Variants in NUP205 observed in about 807,000 individuals in gnomAD.
The protein encoded by NUP205 is nuclear pore complex protein Nup205.
Under a neutral mutation model 253.8 loss-of-function variants are expected in NUP205, and 76 were observed. The ratio of observed to expected loss-of-function variants is 0.30; its 90% confidence interval spans 0.25 to 0.36. The LOEUF (loss-of-function observed/expected upper bound fraction) is 0.36, where lower values mean the gene tolerates loss of function less well. Among genes scored for constraint, NUP205 ranks in the 10% least tolerant of loss-of-function variants. The probability of loss-of-function intolerance (pLI) is 1.00; values close to 1 mark genes in which losing one functional copy is unlikely to be tolerated. For synonymous variants in NUP205, 832 were observed against 850.1 expected, an observed-to-expected ratio of 0.98 and a Z score of 0.37; for missense variants, 2,162 against 2,425.5, an observed-to-expected ratio of 0.89 and a Z score of 2.28.
Position 135,557,949 on chromosome 7 carries a change from C to A in NUP205, c.5C>A (p.Ala2Glu). Residue 2 changes from alanine to glutamate, a missense_variant, in exon 1 of 43, where the codon GCG (alanine) becomes GAG (glutamate). Around this residue, in one of 5 missense-constraint regions of NUP205, gnomAD observed 109 missense variants for 131.8 expected, o/e 0.83. Transcript: ENST00000285968. Reference protein sequence around the residue: MATPLAVNSAAS... With the variant: METPLAVNSAAS... ...CTCTGTTAGTGCGCCTCTAAGATGG[C>A]GACGCCTTTGGCGGTAAATTCGGGT... The A allele has an allele frequency of 6.2e-7, 1 of 1,613,610 alleles. No homozygotes were observed. Among genetic ancestry groups the A allele is most frequent in the Non-Finnish European group, 8.5e-7 (1 of 1,179,494 alleles).
At chr7:135,593,281 T>A in intron 12 of NUP205, 89 bp downstream of exon 12, 1 of 1,203,666 alleles carries the variant, frequency 8.3e-7, no homozygotes, top group Non-Finnish European at 1.2e-6. Flanking sequence ...AATTTAAGAG[T>A]AATAAACTTA....
chr7:135,594,161 T>C (rs1197419601), intron 12 of NUP205, among the ~76,000 whole-genome samples: 1 of 152,228 alleles, frequency 6.6e-6, no homozygotes, highest in Non-Finnish European at 1.5e-5. Context: ...CTCTATATTT[T>C]TTTTTGAGAA....
intron 16 of NUP205, 119 bp downstream of exon 16, chr7:135,601,088 A>G (rs1793956505): frequency 6.5e-6 from 4 of 616,344 alleles, no homozygotes; most frequent in Admixed American, 3.4e-5. Flanking sequence ...CTTTTGTTTC[A>G]TTGTTTTAAT....
chr7:135,646,351 C>T (rs1292343463), intron 42 of NUP205, 120 bp downstream of exon 42: 4 of 743,424 alleles, frequency 5.4e-6, no homozygotes, highest in Non-Finnish European at 6.8e-6. Context: ...TTGCTTGAGC[C>T]CAGGAGTTTG....
At chr7:135,640,009 G>C (rs1265310976) in intron 38 of NUP205, among the ~76,000 whole-genome samples, 1 of 152,188 alleles carries the variant, frequency 6.6e-6, no homozygotes, top group African/African-American at 2.4e-5. Flanking sequence ...GTTGAACAAT[G>C]AGAACACATG....
chr7:135,561,805 T>C (rs961235105), intron 1 of NUP205, among the ~76,000 whole-genome samples: 1 of 152,220 alleles, frequency 6.6e-6, no homozygotes, highest in Non-Finnish European at 1.5e-5. Flanking sequence ...TCTCCACTGA[T>C]GATCTCATGC....
In NUP205 at chr7:135,635,116, C is replaced by T. The variant is rs191466303; in HGVS notation, c.5060-465C>T. ...TCATTTCGATTTAGGAATTTTGTAA[C>T]GGGTCCAAACTAAGAAGTTGAATGG... On this transcript the variant is annotated intron_variant, in intron 35 of 42. Transcript: ENST00000285968. Among the ~76,000 whole-genome samples the T allele has an allele frequency of 1.2e-4, 18 of 152,142 alleles. No homozygotes were observed. The East Asian group carries it at 1.7e-3, about 15-fold the overall frequency.
In NUP205 at chr7:135,625,186, A is replaced by T; in HGVS notation, c.4502A>T (p.Asp1501Val). 6.2e-7 allele frequency: 1 copy of T among 1,613,302 alleles called. No individual in the cohort carries two copies. Among genetic ancestry groups the T allele is most frequent in the South Asian group, 1.1e-5 (1 of 90,874 alleles). ...CAGATGCTGGCCCTGGCTCTACTTG[A>T]TAGAATTGTCTCCGTGGATAAACAG... ...IGRMLALALL[D>V]RIVSVDKQQQ... Residue 1501 changes from aspartate to valine, a missense_variant, in exon 32 of 43, where the codon GAT becomes GTT. Coordinates refer to ENST00000285968, the MANE Select transcript of NUP205 (RefSeq NM_015135.3).
chr7:135,634,956 G>A (rs1381771591), intron 35 of NUP205, among the ~76,000 whole-genome samples: 1 of 152,154 alleles, frequency 6.6e-6, no homozygotes, highest in Non-Finnish European at 1.5e-5. Context: ...GAGTGGCTAG[G>A]ATAGGTTTAG....
intron 10 of NUP205, among the ~76,000 whole-genome samples, chr7:135,590,942 G>C (rs182810793): frequency 2.0e-5 from 3 of 152,240 alleles, no homozygotes; most frequent in Non-Finnish European, 4.4e-5. Context: ...GTTGATAATA[G>C]GTTTAAGGCA....
intron 8 of NUP205, among the ~76,000 whole-genome samples, chr7:135,587,346 C>A (rs773925471): frequency 1.3e-4 from 20 of 152,000 alleles, no homozygotes; most frequent in Non-Finnish European, 2.1e-4. Flanking sequence ...CAGTTAAGTT[C>A]AACTTTTCTA....
At chr7:135,567,425 C>CAAAAAA (rs760535798) in intron 1 of NUP205, among the ~76,000 whole-genome samples, 1 of 65,016 alleles carries the variant, frequency 1.5e-5, no homozygotes, top group African/African-American at 6.3e-5. Flanking sequence ...CTGTCTATAC[C>CAAAAAA]AAAAAAAAAA....
In NUP205 at chr7:135,606,876, T is replaced by C. The variant is rs539425923; in HGVS notation, c.3031T>C (p.Leu1011=). Residue 1011 remains leucine (L), a synonymous_variant, in exon 21 of 43, where the codon TTG becomes CTG. Coordinates refer to ENST00000285968, the MANE Select transcript of NUP205 (RefSeq NM_015135.3). ...TGCTCTCTACCTGTTGGGCTTTGAA[T>C]TGAAAAAACCTGTCAGTACTACAAA... is the stretch of plus-strand genomic sequence containing the variant. The part of the protein sequence containing the change: ...NLALYLLGFE[L]KKPVSTTNLQ... 2.2e-5 allele frequency: 36 copies of C among 1,614,066 alleles called. No homozygotes were observed. The Admixed American group carries it at 5.8e-4, about 26-fold the overall frequency.
At chr7:135,628,140 T>G in intron 34 of NUP205, 29 bp downstream of exon 34, 1 of 1,590,996 alleles carries the variant, frequency 6.3e-7, no homozygotes, top group Non-Finnish European at 8.6e-7. Flanking sequence ...TTAGATATTG[T>G]CTAGAGCAAA....
chr7:135,629,469 ATCTCTCTCTCTCTCTCTCTC>A (rs201403059), intron 34 of NUP205, among the ~76,000 whole-genome samples: 4 of 119,746 alleles, frequency 3.3e-5, no homozygotes, highest in African/African-American at 1.2e-4. Context: ...GTGAGACCCT[ATCTCTCTCTCTCTCTCTCTC>A]TCTCTCTCTC....
At chr7:135,619,957 C>T in intron 30 of NUP205, 69 bp downstream of exon 30, 1 of 1,001,752 alleles carries the variant, frequency 1.0e-6, no homozygotes, top group Non-Finnish European at 1.5e-6. Context: ...AAAAAAAAAT[C>T]ACTTCTCCAT....
At chr7:135,647,889 G>T (rs1013186567) in intron 42 of NUP205, among the ~76,000 whole-genome samples, 2 of 152,156 alleles carry the variant, frequency 1.3e-5, no homozygotes, top group Non-Finnish European at 2.9e-5. Flanking sequence ...GAATATATAT[G>T]AATTCTAAAG....
intron 39 of NUP205, 46 bp downstream of exon 39, chr7:135,643,404 G>A (rs1563141403): frequency 1.3e-6 from 2 of 1,527,234 alleles, no homozygotes; most frequent in South Asian, 1.2e-5. Flanking sequence ...AATCATTGCT[G>A]TTACTAGGCC....
In NUP205 at chr7:135,614,291, C is replaced by T. The variant is rs377248399; in HGVS notation, c.3310+18C>T. 7.0e-5 allele frequency: 88 copies of T among 1,250,814 alleles called. No homozygotes were observed. Among genetic ancestry groups the T allele is most frequent in the East Asian group, 1.6e-4 (7 of 42,976 alleles). 77.5% of individuals were successfully genotyped at this position (1,250,814 alleles called of 1,614,324 possible). On this transcript the variant is annotated intron_variant, in intron 23 of 42. Coordinates refer to ENST00000285968, the MANE Select transcript of NUP205 (RefSeq NM_015135.3). ...TAACAAAGGTAGGCCATTATTTTCC[C>T]GTATTTATAAGAACACATTTATAAT...
Sources: allele counts gnomAD v4.1 joint callset (sites outside exome capture counted in the v4.1 genomes callset), GRCh38; gene constraint gnomAD v4.1.1; regional missense constraint gnomAD v4.1.1; transcripts MANE v1.5; gene names NCBI Gene and HGNC (gene_info 2026-07-23, HGNC 2026-07-21).